Variants in TRAPPC11 observed in about 807,000 individuals in gnomAD.
TRAPPC11 encodes foie gras homolog.
TRAPPC11 carries 104 observed loss-of-function variants against 151.2 expected under a neutral mutation model. That is an observed-to-expected ratio of 0.69 (90% confidence interval 0.59 to 0.81). The LOEUF (loss-of-function observed/expected upper bound fraction) is 0.81, where lower values mean the gene tolerates loss of function less well. Among genes scored for constraint, TRAPPC11 ranks in the 30% least tolerant of loss-of-function variants. The probability of loss-of-function intolerance (pLI) is 0.00; values close to 1 mark genes in which losing one functional copy is unlikely to be tolerated. For synonymous variants in TRAPPC11, 456 were observed against 472.3 expected, an observed-to-expected ratio of 0.97 and a Z score of 0.45; for missense variants, 1,230 against 1,349.6, an observed-to-expected ratio of 0.91 and a Z score of 1.39.
Position 183,683,980 on chromosome 4 carries a change from G to T in TRAPPC11, c.1213G>T (p.Asp405Tyr). ...TTGTGTCTCATCTTACGCAGGTTTT[G>T]ATCTTTCTGATCCTGAAAAAGAAAA... ...RSWRQGILSF[D>Y]LSDPEKEKVG... The change falls in exon 12 of 30, where the codon GAT becomes TAT. Residue 405 changes from aspartate (D) to tyrosine (Y), a missense_variant. By Grantham distance (160) the Asp-to-Tyr change is radical. Coordinates refer to ENST00000334690, the MANE Select transcript of TRAPPC11 (RefSeq NM_021942.6). The T allele has an allele frequency of 1.2e-6, 2 of 1,613,802 alleles. No individual in the cohort carries two copies. The highest frequency in any genetic ancestry group is 2.2e-5 in the South Asian group (2 of 91,032).
chr4:183,668,188 AT>A (rs1474181711), intron 5 of TRAPPC11, 71 bp downstream of exon 5: 1 of 833,080 alleles, frequency 1.2e-6, no homozygotes, highest in Non-Finnish European at 1.9e-6. Flanking sequence ...GCTTAGACCC[AT>A]TTATTTTTTT....
At chr4:183,664,724 T>C (rs566471329) in intron 2 of TRAPPC11, among the ~76,000 whole-genome samples, 1 of 152,260 alleles carries the variant, frequency 6.6e-6, no homozygotes, top group East Asian at 1.9e-4. Flanking sequence ...TTTAAGCAGT[T>C]TATGTGTAGT....
At chr4:183,665,929 C>CT (rs11462767) in intron 2 of TRAPPC11, among the ~76,000 whole-genome samples, 78,379 of 137,778 alleles carry the variant, frequency 0.57, 23,404 homozygotes, top group East Asian at 0.75. Flanking sequence ...AAATGGGCTA[C>CT]TTTTTTTTTT....
rs917388814 is a variant in TRAPPC11, at chr4:183,659,365, T to G, written c.-104T>G. 1 of 175,184 alleles carries G rather than the reference T, an allele frequency of 5.7e-6. No individual in the cohort carries two copies. Among genetic ancestry groups the G allele is most frequent in the Non-Finnish European group, 1.2e-5 (1 of 83,146 alleles). 10.9% of individuals were successfully genotyped at this position (175,184 alleles called of 1,614,324 possible). A position where few individuals can be genotyped will look rare whatever the true frequency, so the allele number is the denominator to read the frequency against. On this transcript the variant is annotated 5_prime_UTR_variant, in exon 1 of 30. Transcript: ENST00000334690. ...GGTGGGGACGGGCCACGGCGTTCTGTGACATCCCCCCGCCTCCCCTCGTCT... is the reference window on the plus strand; with the variant it reads ...GGTGGGGACGGGCCACGGCGTTCTGGGACATCCCCCCGCCTCCCCTCGTCT...
intron 18 of TRAPPC11, among the ~76,000 whole-genome samples, chr4:183,690,308 G>A (rs1270129309): frequency 3.9e-5 from 6 of 152,160 alleles, no homozygotes; most frequent in African/African-American, 1.4e-4. Flanking sequence ...AACTGTGTAA[G>A]AATTTCTATG....
chr4:183,708,432 C>A lies in TRAPPC11; in HGVS notation c.3215C>A (p.Thr1072Lys), dbSNP rs147061560. The A allele has an allele frequency of 4.2e-5, 67 of 1,613,568 alleles. No homozygotes were observed. Among genetic ancestry groups the A allele is most frequent in the Non-Finnish European group, 5.3e-5 (62 of 1,179,894 alleles). Reference protein sequence around the residue: ...KQIRLRILPGTEQEMLYNFYP... With the variant: ...KQIRLRILPGKEQEMLYNFYP... ...ATTCGATTACGTATCCTCCCTGGCA[C>A]GGAGCAGGAAATGCTATATAATTTC... The change falls in exon 29 of 30, where the codon ACG (threonine) becomes AAG (lysine). Residue 1072 changes from threonine to lysine, a missense_variant. Physicochemically the swap from Thr to Lys is moderately conservative, Grantham distance 78 (BLOSUM62 -1). Transcript: ENST00000334690.
chr4:183,699,063 G>T (rs1736679437), intron 25 of TRAPPC11, among the ~76,000 whole-genome samples: 1 of 152,048 alleles, frequency 6.6e-6, no homozygotes, highest in Non-Finnish European at 1.5e-5. Context: ...ATTGCCACTA[G>T]ACTTTGTGAC....
chr4:183,660,863 A>G (rs142239921), intron 1 of TRAPPC11, among the ~76,000 whole-genome samples: 6,687 of 152,068 alleles, frequency 0.044, 215 homozygotes, highest in Middle Eastern at 0.11. Context: ...ATAGGCACGC[A>G]TCACCATGCC....
rs370205023 is a variant in TRAPPC11 at position 183,682,703 on chromosome 4, A to G, written c.1114-29A>G. On this transcript the variant is annotated intron_variant, in intron 10 of 29. Coordinates refer to ENST00000334690, the MANE Select transcript of TRAPPC11 (RefSeq NM_021942.6). ...TGATTTGCGATGAGTTCCATAAACT[A>G]TTATTTAGGTTTGTGTTTTAATTTA... is the stretch of plus-strand genomic sequence containing the variant. 31 of 1,521,270 alleles carry G rather than the reference A, an allele frequency of 2.0e-5. No individual in the cohort carries two copies. In the African/African-American group the frequency reaches 3.0e-4, roughly 15 times the overall value. 94.2% of individuals were successfully genotyped at this position (1,521,270 alleles called of 1,614,324 possible).
rs147526528 is a variant in TRAPPC11 at position 183,677,531 on chromosome 4, A to G, written c.808A>G (p.Met270Val). 3 of 1,595,398 alleles carry G rather than the reference A, an allele frequency of 1.9e-6. No homozygotes were observed. The highest frequency in any genetic ancestry group is 1.1e-5 in the South Asian group (1 of 90,446). Residue 270 changes from methionine to valine, a missense_variant, in exon 8 of 30, where the codon ATG becomes GTG. Transcript: ENST00000334690. ...AACTAATATTCTGGAAATTAAGACT[A>G]TGGCAGGATTTATAAACTACAAGGT... is the stretch of plus-strand genomic sequence containing the variant. ...HETNILEIKTMAGFINYKICR... is the reference protein window; with the variant it reads ...HETNILEIKTVAGFINYKICR...
chr4:183,701,439 A>T, intron 25 of TRAPPC11: 3 of 337,586 alleles, frequency 8.9e-6, no homozygotes, highest in African/African-American at 2.1e-5. Context: ...TGCATTCATT[A>T]GTTTCCATAG....
At chr4:183,707,085 A>C (rs1170570320) in intron 28 of TRAPPC11, 145 bp downstream of exon 28, 27 of 933,104 alleles carry the variant, frequency 2.9e-5, no homozygotes, top group South Asian at 1.3e-4. Context: ...TAAGCACCTT[A>C]AGTACAGCTG....
intron 18 of TRAPPC11, among the ~76,000 whole-genome samples, chr4:183,690,160 A>T (rs1736188497): frequency 6.6e-6 from 1 of 151,988 alleles, no homozygotes; most frequent in African/African-American, 2.4e-5. Flanking sequence ...CTGAAATTGC[A>T]TTTCTAGTGG....
intron 10 of TRAPPC11, 71 bp from the exon 11 acceptor site, chr4:183,682,660 CA>C (rs1407383357): frequency 2.1e-6 from 2 of 947,306 alleles, no homozygotes; most frequent in South Asian, 2.1e-5. Context: ...TTTGTTCAGT[CA>C]AAGGTTGGGC....
intron 8 of TRAPPC11, 39 bp downstream of exon 8, chr4:183,677,593 C>G: frequency 9.1e-7 from 1 of 1,100,342 alleles, no homozygotes; most frequent in South Asian, 1.4e-5. Context: ...ATTTGTGTTT[C>G]AATATTAAAT....
intron 10 of TRAPPC11, 53 bp downstream of exon 10, chr4:183,680,320 G>A (rs772431597): frequency 7.6e-6 from 12 of 1,580,662 alleles, no homozygotes; most frequent in Non-Finnish European, 1.0e-5. Flanking sequence ...TTCTTCTTTT[G>A]AAAGAAGCTA....
rs75990876 is a variant in TRAPPC11 at position 183,710,748 on chromosome 4, G to A, written c.3358-1852G>A. Among the ~76,000 whole-genome samples the A allele has an allele frequency of 2.2e-3, 331 of 151,806 alleles. 5 individuals are homozygous for A. In the East Asian group the frequency reaches 0.05, roughly 23 times the overall value. On this transcript the variant is annotated intron_variant, in intron 29 of 29. Transcript: ENST00000334690. ...GAAAATTTATAATTAAAAAATTTTG[G>A]CCGGGCGTGGTGGCTCACGCCTGTA...
intron 25 of TRAPPC11, among the ~76,000 whole-genome samples, chr4:183,699,961 G>C (rs957544675): frequency 6.6e-6 from 1 of 152,170 alleles, no homozygotes; most frequent in African/African-American, 2.4e-5. Context: ...GAGTAGCTGG[G>C]ACTACAGGCA....
intron 1 of TRAPPC11, among the ~76,000 whole-genome samples, chr4:183,663,274 T>G (rs1734651963): frequency 1.3e-5 from 2 of 151,896 alleles, no homozygotes; most frequent in South Asian, 4.2e-4. Context: ...CCCTCTGTCA[T>G]CCAGGCTAGA....
Sources: allele counts gnomAD v4.1 joint callset (sites outside exome capture counted in the v4.1 genomes callset), GRCh38; gene constraint gnomAD v4.1.1; transcripts MANE v1.5; gene names NCBI Gene and HGNC (gene_info 2026-07-23, HGNC 2026-07-21).